The following ATP11B variants were observed in gnomAD, a reference collection of about 807,000 sequenced individuals.
ATP11B encodes the protein ATPase phospholipid transporting 11B (putative), also known as phospholipid-transporting ATPase IF.
ATP11B carries 81 observed loss-of-function variants against 157.8 expected under a neutral mutation model. The observed-to-expected ratio is 0.51, with a 90% CI of 0.43 to 0.62. The LOEUF (loss-of-function observed/expected upper bound fraction) is 0.62, where lower values mean the gene tolerates loss of function less well. Among genes scored for constraint, ATP11B ranks in the 20% least tolerant of loss-of-function variants. The probability of loss-of-function intolerance (pLI) is 0.00; values close to 1 mark genes in which losing one functional copy is unlikely to be tolerated. For missense variants in ATP11B, 1,165 were observed against 1,402.2 expected (o/e 0.83, Z 2.70); for synonymous variants, 451 against 469.4 (o/e 0.96, Z 0.51).
At chr3:182,827,778 A>C (rs1363505653) in intron 2 of ATP11B, among the ~76,000 whole-genome samples, 1 of 151,818 alleles carries the variant, frequency 6.6e-6, no homozygotes, top group East Asian at 1.9e-4. Context: ...CATTAGGTTT[A>C]GTTTTGTATA....
intron 28 of ATP11B, among the ~76,000 whole-genome samples, chr3:182,909,885 G>A (rs1258367547): frequency 2.7e-5 from 4 of 150,314 alleles, no homozygotes; most frequent in Admixed American, 1.3e-4. Context: ...GCAACATGGT[G>A]AAACTTCATC....
intron 12 of ATP11B, among the ~76,000 whole-genome samples, chr3:182,864,694 T>G (rs1721096714): frequency 1.3e-5 from 2 of 152,112 alleles, no homozygotes; most frequent in Admixed American, 1.3e-4. Context: ...ATCTGTAGCT[T>G]CTTTTCTTGT....
chr3:182,813,678 A>C (rs1450676448), intron 1 of ATP11B, among the ~76,000 whole-genome samples: 1 of 152,200 alleles, frequency 6.6e-6, no homozygotes, highest in Non-Finnish European at 1.5e-5. Flanking sequence ...TTCCAAATTA[A>C]ATAACATAAA....
At chr3:182,887,822 T>C (rs1722900902) in intron 24 of ATP11B, 109 bp downstream of exon 24, 2 of 1,156,440 alleles carry the variant, frequency 1.7e-6, no homozygotes, top group Admixed American at 2.6e-5. Flanking sequence ...GTTCTTTAGT[T>C]GTCGTATGAT....
In ATP11B at chr3:182,869,087, G is replaced by A; in HGVS notation, c.1698G>A (p.Leu566=). ...KTLGKLERYK[L]LHILEFDSDR... Reference sequence around the variant, plus strand: ...ACTTTCTTTTGTTTAGGTACAAACTGCTTCATATTCTGGAATTTGATTCAG... The same window carrying A: ...ACTTTCTTTTGTTTAGGTACAAACTACTTCATATTCTGGAATTTGATTCAG... The change falls in exon 16 of 30, where the codon CTG becomes CTA. Residue 566 remains leucine, a synonymous_variant. Coordinates refer to ENST00000323116, the MANE Select transcript of ATP11B (RefSeq NM_014616.3). The A allele has an allele frequency of 6.2e-7, 1 of 1,608,646 alleles. No homozygotes were observed. Among genetic ancestry groups the A allele is most frequent in the Non-Finnish European group, 8.5e-7 (1 of 1,177,262 alleles).
chr3:182,879,653 T>G lies in ATP11B; in HGVS notation c.2406+4T>G. 1 of 1,594,898 alleles carries G rather than the reference T, an allele frequency of 6.3e-7. No individual in the cohort carries two copies. Among genetic ancestry groups the G allele is most frequent in the Non-Finnish European group, 8.5e-7 (1 of 1,173,302 alleles). On this transcript the variant is annotated splice_donor_region_variant and intron_variant, in intron 20 of 29. Transcript: ENST00000323116. ...GGCTCCACTGCAGAAAGCAAAAGTA[T>G]GTATATATGTTATAAAAAAGTCCCA...
intron 19 of ATP11B, among the ~76,000 whole-genome samples, chr3:182,878,687 A>G (rs996540821): frequency 1.3e-5 from 2 of 152,176 alleles, no homozygotes; most frequent in Non-Finnish European, 2.9e-5. Context: ...TCCATGTTCT[A>G]CCATAGTAAT....
At chr3:182,917,972 A>G (rs1281838164) in intron 29 of ATP11B, 51 bp from the exon 30 acceptor site, 1 of 1,596,554 alleles carries the variant, frequency 6.3e-7, no homozygotes, top group Non-Finnish European at 8.5e-7. Context: ...TTTTTTCTCA[A>G]TTAAAACATA....
chr3:182,845,006 A>ATT (rs375605298), intron 8 of ATP11B, among the ~76,000 whole-genome samples: 1 of 125,842 alleles, frequency 7.9e-6, no homozygotes, highest in African/African-American at 3.2e-5. Context: ...TTTTTTTTTT[A>ATT]TTTTTTTTTA....
At chr3:182,883,064 G>C (rs763762841) in intron 21 of ATP11B, among the ~76,000 whole-genome samples, 3 of 152,060 alleles carry the variant, frequency 2.0e-5, no homozygotes, top group Non-Finnish European at 4.4e-5. Context: ...AATGTTAGTA[G>C]GAGCATAAAT....
At chr3:182,886,176 ATATT>A (rs1211012147) in intron 23 of ATP11B, among the ~76,000 whole-genome samples, 166 bp downstream of exon 23, 7 of 152,244 alleles carry the variant, frequency 4.6e-5, no homozygotes, top group Admixed American at 1.3e-4. Context: ...GACATTCAGA[ATATT>A]TATTTATTCT....
intron 28 of ATP11B, among the ~76,000 whole-genome samples, chr3:182,909,998 A>G (rs6787730): frequency 0.29 from 42,005 of 142,396 alleles, 6,373 homozygotes; most frequent in East Asian, 0.57. Context: ...CAGGAGGCGG[A>G]GGTTGCAGTG....
chr3:182,822,364 G>A (rs1044103458), intron 2 of ATP11B, among the ~76,000 whole-genome samples: 3 of 152,018 alleles, frequency 2.0e-5, no homozygotes, highest in Admixed American at 6.6e-5. Flanking sequence ...GAGAACATGC[G>A]GTGTTTGGTT....
intron 28 of ATP11B, among the ~76,000 whole-genome samples, chr3:182,899,929 A>G (rs1288754266): frequency 1.3e-5 from 2 of 152,202 alleles, no homozygotes; most frequent in Non-Finnish European, 2.9e-5. Flanking sequence ...GTCAACTCTT[A>G]TGCCCTGAGC....
intron 28 of ATP11B, among the ~76,000 whole-genome samples, chr3:182,910,005 A>T (rs1473387089): frequency 1.4e-5 from 2 of 140,872 alleles, no homozygotes; most frequent in Admixed American, 1.5e-4. Context: ...CGGAGGTTGC[A>T]GTGAACCAAG....
At chr3:182,872,058 G>A (rs1055209611) in intron 17 of ATP11B, among the ~76,000 whole-genome samples, 3 of 152,124 alleles carry the variant, frequency 2.0e-5, no homozygotes, top group Non-Finnish European at 2.9e-5. Flanking sequence ...CTCATGATCC[G>A]CCTGCCTTGG....
chr3:182,907,092 CAAA>C (rs58120749), intron 28 of ATP11B, among the ~76,000 whole-genome samples: 6 of 115,412 alleles, frequency 5.2e-5, no homozygotes, highest in African/African-American at 2.9e-5. Context: ...GACTCCGTCT[CAAA>C]AAAAAAAAAA....
In ATP11B at chr3:182,921,621, C is replaced by G. The variant is rs570760492; in HGVS notation, c.*3517C>G. ...GTTATATTTATCAAATAAAAACTTTCCTATATAATTAAAAGTGTTCCTTTA... is the reference window on the plus strand; with the variant it reads ...GTTATATTTATCAAATAAAAACTTTGCTATATAATTAAAAGTGTTCCTTTA... On this transcript the variant is annotated 3_prime_UTR_variant, in exon 30 of 30. Transcript: ENST00000323116. 24 of 152,254 alleles carry G rather than the reference C, an allele frequency of 1.6e-4. 1 individual carries two copies. The East Asian group carries it at 1.7e-3, about 11-fold the overall frequency. The allele number at this position is 152,254 out of a possible 1,614,324, so 9.4% of individuals were successfully genotyped here. A position where few individuals can be genotyped will look rare whatever the true frequency, so the allele number is the denominator to read the frequency against.
At chr3:182,854,415 A>G (rs1720214890) in intron 10 of ATP11B, among the ~76,000 whole-genome samples, 1 of 152,176 alleles carries the variant, frequency 6.6e-6, no homozygotes, top group Admixed American at 6.5e-5. Context: ...GGTTGTGGTG[A>G]GATGAGATCG....
Sources: gnomAD v4.1 joint callset for allele counts (sites outside exome capture counted in the v4.1 genomes callset) on GRCh38, gnomAD v4.1.1 for gene constraint, MANE v1.5 for transcripts, NCBI Gene and HGNC (gene_info 2026-07-23, HGNC 2026-07-21) for gene names.